Variants in MDN1 observed in about 807,000 individuals in gnomAD.
MDN1 encodes midasin.
MDN1 carries 266 observed loss-of-function variants against 669.2 expected under a neutral mutation model. The ratio of observed to expected loss-of-function variants is 0.40; its 90% CI spans 0.36 to 0.44. The LOEUF (loss-of-function observed/expected upper bound fraction) is 0.44, where lower values mean the gene tolerates loss of function less well. Among genes scored for constraint, MDN1 ranks in the 20% least tolerant of loss-of-function variants. The pLI is 1.00. For synonymous variants in MDN1, 2,385 were observed against 2,457.1 expected, an observed-to-expected ratio of 0.97 and a Z score of 0.87; for missense variants, 5,940 against 6,754.0, an observed-to-expected ratio of 0.88 and a Z score of 4.22.
At position 89,650,744 on chromosome 6, in the gene MDN1, G is replaced by T. The variant is rs1808793798; in HGVS notation, c.16019C>A (p.Ala5340Glu). 6.2e-7 allele frequency: 1 copy of T among 1,613,668 alleles called. No homozygotes were observed. Among genetic ancestry groups the T allele is most frequent in the Non-Finnish European group, 8.5e-7 (1 of 1,179,814 alleles). ...ELRLILEPTQAAKLKGDYRTG... is the reference protein window; with the variant it reads ...ELRLILEPTQEAKLKGDYRTG... ...GGGGAAGACTTACTTCAGCTTGGCT[G>T]CCTGGGTAGGCTCTAATATGAGACG... Residue 5340 changes from alanine to glutamate, a missense_variant, in exon 96 of 102, where the codon GCA becomes GAA. Physicochemically the swap from Ala to Glu is moderately radical, Grantham distance 107 (BLOSUM62 -1). Around this residue, in one of 5 missense-constraint regions of MDN1, gnomAD observed 2,280 missense variants for 2,576.3 expected, o/e 0.88. Transcript: ENST00000369393.
intron 30 of MDN1, 54 bp downstream of exon 30, chr6:89,743,522 G>A: frequency 1.3e-6 from 2 of 1,580,156 alleles, no homozygotes; most frequent in African/African-American, 1.4e-5. Flanking sequence ...ACTAACTCAT[G>A]CACAGCTAAC....
At position 89,774,601 on chromosome 6, in the gene MDN1, T is replaced by G; in HGVS notation, c.1934+20A>C. The G allele has an allele frequency of 6.3e-7, 1 of 1,577,966 alleles. No individual in the cohort carries two copies. The highest frequency in any genetic ancestry group is 8.7e-7 in the Non-Finnish European group (1 of 1,147,558). On this transcript the variant is annotated intron_variant, in intron 13 of 101. Transcript: ENST00000369393. ...TCTGGAAACCCCACAGTTGGCAGCT[T>G]AGTTTAGAGCCCTACTTACCTCTGT...
rs754566931 is a variant in MDN1 at position 89,790,363 on chromosome 6, G to A, written c.894C>T (p.Ala298=). ...ACTCAACCAGCACATAAGACCTAAG[G>A]GCCAGCTCCTGTTCACGTGAAGAAC... ...NRSSSREQEL[A]LRSYVLVESV... The change falls in exon 6 of 102, where the codon GCC becomes GCT. Residue 298 remains alanine, a synonymous_variant. Transcript: ENST00000369393. 2 of 1,613,936 alleles carry A rather than the reference G, an allele frequency of 1.2e-6. No homozygotes were observed. Among genetic ancestry groups the A allele is most frequent in the Non-Finnish European group, 1.7e-6 (2 of 1,180,008 alleles).
intron 15 of MDN1, 121 bp downstream of exon 15, chr6:89,771,440 A>G: frequency 1.2e-6 from 1 of 835,422 alleles, no homozygotes; most frequent in Non-Finnish European, 1.9e-6. Flanking sequence ...TTATCTGAGA[A>G]AACTCTTTTT....
At chr6:89,655,695 T>C (rs1809217292) in intron 92 of MDN1, 69 bp downstream of exon 92, 2 of 1,352,270 alleles carry the variant, frequency 1.5e-6, no homozygotes, top group South Asian at 1.4e-5. Context: ...ATCATTATTA[T>C]AGGTCACATA....
chr6:89,778,935 A>AAAT (rs1554196786), intron 11 of MDN1, among the ~76,000 whole-genome samples: 53,039 of 125,514 alleles, frequency 0.42, 11,402 homozygotes, highest in Middle Eastern at 0.43. Flanking sequence ...AATAAATAAA[A>AAAT]AAAAAGGTAT....
chr6:89,789,724 C>T (rs762256575), intron 7 of MDN1, 56 bp downstream of exon 7: 124 of 1,522,478 alleles, frequency 8.1e-5, no homozygotes, highest in Non-Finnish European at 9.9e-5. Flanking sequence ...TAACAAAATG[C>T]TTTTCCAAGA....
intron 90 of MDN1, among the ~76,000 whole-genome samples, chr6:89,657,486 G>A (rs892113397): frequency 1.3e-5 from 2 of 152,158 alleles, no homozygotes; most frequent in African/African-American, 4.8e-5. Context: ...GAATGAAAAA[G>A]TTATCTGCTT....
chr6:89,792,552 A>G (rs1418614141), intron 5 of MDN1, among the ~76,000 whole-genome samples: 3 of 152,106 alleles, frequency 2.0e-5, no homozygotes, highest in Non-Finnish European at 4.4e-5. Context: ...CTTCACAACT[A>G]GAAAAAAACA....
intron 59 of MDN1, among the ~76,000 whole-genome samples, chr6:89,698,431 T>C (rs1812918809): frequency 6.6e-6 from 1 of 152,192 alleles, no homozygotes. Flanking sequence ...GGAATAACTT[T>C]TAAAAATAAG....
At position 89,643,295 on chromosome 6, in the gene MDN1, A is replaced by G. The variant is rs1808281713; in HGVS notation, c.*710T>C. On this transcript the variant is annotated 3_prime_UTR_variant, in exon 102 of 102. Transcript: ENST00000369393. ...TGGCACTGAATGAAATAAAGGGGCA[A>G]TCACCTTCCCATCATTGCATAGTCT... 1.3e-5 allele frequency: 2 copies of G among 152,194 alleles called. No homozygotes were observed. The highest frequency in any genetic ancestry group is 2.9e-5 in the Non-Finnish European group (2 of 68,026). 9.4% of individuals were successfully genotyped at this position (152,194 alleles called of 1,614,324 possible). A position where few individuals can be genotyped will look rare whatever the true frequency, so the allele number is the denominator to read the frequency against.
intron 35 of MDN1, among the ~76,000 whole-genome samples, chr6:89,730,262 T>C (rs537086460): frequency 1.3e-5 from 2 of 152,318 alleles, no homozygotes; most frequent in African/African-American, 2.4e-5. Context: ...CCTATGACTG[T>C]GAGGCCTAAA....
intron 8 of MDN1, 25 bp downstream of exon 8, chr6:89,787,829 A>C (rs1584371979): frequency 6.4e-7 from 1 of 1,570,978 alleles, no homozygotes; most frequent in East Asian, 2.2e-5. Context: ...TCCAGAGTGA[A>C]AACAGAAAGG....
chr6:89,761,832 C>T, intron 16 of MDN1, 84 bp from the exon 17 acceptor site: 1 of 1,014,678 alleles, frequency 9.9e-7, no homozygotes, highest in East Asian at 2.4e-5. Context: ...ATTAACAAAA[C>T]ACACAAAAAT....
chr6:89,705,951 T>A (rs1813485473), intron 53 of MDN1, 108 bp downstream of exon 53: 4 of 960,234 alleles, frequency 4.2e-6, no homozygotes, highest in Non-Finnish European at 4.5e-6. Context: ...GTTTCTTAAA[T>A]AATATTGGGC....
chr6:89,652,242 C>T lies in MDN1; in HGVS notation c.15865G>A (p.Glu5289Lys). ...KDVNELRQEL[E>K]RQLEMWQPRE... The stretch of plus-strand genomic sequence containing the variant: ...GGCTGCCACATTTCCAGCTGTCTCT[C>T]CAGCTCCTGTCTTAGCTCATTGACA... The change falls in exon 95 of 102, where the codon GAG becomes AAG. Residue 5289 changes from glutamate to lysine, a missense_variant. Glu to Lys is a moderately conservative substitution (Grantham distance 56). This residue lies in a region of MDN1 where 2,280 missense variants were observed against 2,576.3 expected (regional missense o/e 0.88). Transcript: ENST00000369393. The T allele has an allele frequency of 6.2e-7, 1 of 1,614,070 alleles. No homozygotes were observed. The highest frequency in any genetic ancestry group is 2.2e-5 in the East Asian group (1 of 44,888).
intron 70 of MDN1, 72 bp from the exon 71 acceptor site, chr6:89,685,057 A>G (rs1207271892): frequency 6.1e-6 from 6 of 975,660 alleles, no homozygotes; most frequent in Admixed American, 4.1e-5. Flanking sequence ...TGTGGCCTTC[A>G]TATTTCAGTG....
chr6:89,684,081 C>T (rs1223128096), intron 71 of MDN1, among the ~76,000 whole-genome samples, 177 bp from the exon 72 acceptor site: 2 of 152,178 alleles, frequency 1.3e-5, no homozygotes, highest in East Asian at 1.9e-4. Context: ...CGGTGGCTCA[C>T]ACCTGTAATC....
At chr6:89,795,319 G>A (rs1003888983) in intron 2 of MDN1, among the ~76,000 whole-genome samples, 3 of 152,014 alleles carry the variant, frequency 2.0e-5, no homozygotes, top group East Asian at 1.9e-4. Flanking sequence ...TTTTAGAAAC[G>A]CTAAGAGACA....
Sources: allele counts gnomAD v4.1 joint callset (sites outside exome capture counted in the v4.1 genomes callset), GRCh38; gene constraint gnomAD v4.1.1; regional missense constraint gnomAD v4.1.1; transcripts MANE v1.5; gene names NCBI Gene and HGNC (gene_info 2026-07-23, HGNC 2026-07-21).